DGKG: variants seen among roughly 807,000 people sequenced by gnomAD.
DGKG encodes DAG kinase gamma.
In DGKG, 78 loss-of-function variants were observed where a neutral mutation model predicts 105.3. That is an observed-to-expected ratio of 0.74 (90% CI 0.62 to 0.89). The LOEUF (loss-of-function observed/expected upper bound fraction) is 0.89. DGKG is among the 40% of genes least tolerant of loss of function. The pLI is 0.00. For synonymous variants in DGKG, 346 were observed against 367.1 expected (o/e 0.94, Z 0.66); for missense variants, 958 against 1,020.1 (o/e 0.94, Z 0.83).
intron 2 of DGKG, among the ~76,000 whole-genome samples, chr3:186,314,432 G>C (rs966560258): frequency 6.6e-6 from 1 of 152,118 alleles, no homozygotes; most frequent in Non-Finnish European, 1.5e-5. Context: ...TGTAATGCTT[G>C]GCATTGATAT....
At chr3:186,153,346 A>T (rs1265802576) in intron 24 of DGKG, among the ~76,000 whole-genome samples, 1 of 152,134 alleles carries the variant, frequency 6.6e-6, no homozygotes, top group African/African-American at 2.4e-5. Context: ...TCAAACCCTG[A>T]TAGAAAGAGG....
intron 2 of DGKG, among the ~76,000 whole-genome samples, chr3:186,319,457 C>A (rs1017217205): frequency 3.9e-5 from 6 of 152,156 alleles, no homozygotes; most frequent in Non-Finnish European, 7.4e-5. Flanking sequence ...AGAAGGGGGA[C>A]CTGTGCAAGA....
chr3:186,243,895 G>GTTTTTTTTTTTGTTTTTTTTTTTTTTTT, intron 19 of DGKG, among the ~76,000 whole-genome samples: 1 of 116,324 alleles, frequency 8.6e-6, no homozygotes, highest in African/African-American at 3.6e-5. Context: ...AAATTTCTGT[G>GTTTTTTTTTTTGTTTTTTTTTTTTTTTT]TTTTTTTTTT....
chr3:186,244,940 TG>T (rs1379237757), intron 19 of DGKG, among the ~76,000 whole-genome samples: 1 of 152,180 alleles, frequency 6.6e-6, no homozygotes, highest in Non-Finnish European at 1.5e-5. Context: ...ATTTGTCAAA[TG>T]CTTCTCTAAA....
chr3:186,186,429 G>A (rs889336207), intron 22 of DGKG, among the ~76,000 whole-genome samples: 2 of 152,192 alleles, frequency 1.3e-5, no homozygotes, highest in African/African-American at 2.4e-5. Flanking sequence ...GCCCATCAGA[G>A]TCATCTGGGG....
At chr3:186,331,005 A>G (rs951532458) in intron 1 of DGKG, among the ~76,000 whole-genome samples, 1 of 152,256 alleles carries the variant, frequency 6.6e-6, no homozygotes, top group Non-Finnish European at 1.5e-5. Context: ...TGCATGATTC[A>G]TGCTTGAACT....
At chr3:186,264,665 G>A (rs1043514831) in intron 14 of DGKG, among the ~76,000 whole-genome samples, 1 of 152,184 alleles carries the variant, frequency 6.6e-6, no homozygotes, top group African/African-American at 2.4e-5. Context: ...TTTGAGCGGA[G>A]GAAACTTAAG....
chr3:186,236,195 T>C (rs1180463029), intron 20 of DGKG, among the ~76,000 whole-genome samples: 2 of 152,230 alleles, frequency 1.3e-5, no homozygotes, highest in Non-Finnish European at 2.9e-5. Context: ...GCAGATTCAA[T>C]GCATCACTGC....
At chr3:186,167,767 AC>A (rs1716616695) in intron 22 of DGKG, among the ~76,000 whole-genome samples, 1 of 103,444 alleles carries the variant, frequency 9.7e-6, no homozygotes, top group Non-Finnish European at 2.1e-5. Context: ...GAATTCACTC[AC>A]TCACTCACTC....
intron 1 of DGKG, among the ~76,000 whole-genome samples, chr3:186,353,626 A>ATATCTATATCTATACCTATG (rs1560169523): frequency 8.4e-4 from 109 of 129,906 alleles, no homozygotes; most frequent in African/African-American, 3.5e-3. Context: ...TAGACTCTCT[A>ATATCTATATCTATACCTATG]TCTATATCTA....
At chr3:186,340,742 C>A (rs927310810) in intron 1 of DGKG, among the ~76,000 whole-genome samples, 1 of 152,202 alleles carries the variant, frequency 6.6e-6, no homozygotes, top group Non-Finnish European at 1.5e-5. Context: ...AGTCATTCTC[C>A]ACATTTCCTG....
At chr3:186,249,125 A>G (rs1721085974) in intron 19 of DGKG, among the ~76,000 whole-genome samples, 1 of 152,048 alleles carries the variant, frequency 6.6e-6, no homozygotes, top group African/African-American at 2.4e-5. Flanking sequence ...GGGGCCTTTG[A>G]GCACGAAGAG....
At chr3:186,208,935 G>C in intron 21 of DGKG, among the ~76,000 whole-genome samples, 1 of 152,108 alleles carries the variant, frequency 6.6e-6, no homozygotes, top group Non-Finnish European at 1.5e-5. Flanking sequence ...ATGAAGTTTT[G>C]GTTGAGACAC....
chr3:186,225,850 C>A (rs1340846369), intron 20 of DGKG, among the ~76,000 whole-genome samples: 2 of 152,222 alleles, frequency 1.3e-5, no homozygotes, highest in African/African-American at 4.8e-5. Context: ...TTCCTCAGAT[C>A]CTTCCTGTCT....
intron 5 of DGKG, among the ~76,000 whole-genome samples, chr3:186,291,816 TGTG>T (rs1398541183): frequency 6.6e-6 from 1 of 152,196 alleles, no homozygotes; most frequent in African/African-American, 2.4e-5. Flanking sequence ...TCATATTAAT[TGTG>T]GTACTAGTTT....
chr3:186,344,581 A>G (rs11928307), intron 1 of DGKG, among the ~76,000 whole-genome samples: 46,681 of 151,874 alleles, frequency 0.31, 8,487 homozygotes, highest in African/African-American at 0.51. Flanking sequence ...ACAGACACGG[A>G]TTCTACTTGA....
chr3:186,251,718 G>A (rs374194615), intron 19 of DGKG, 41 bp downstream of exon 19: 147 of 1,611,510 alleles, frequency 9.1e-5, no homozygotes, highest in South Asian at 2.1e-4. Flanking sequence ...CTTCCTGGGC[G>A]TTTCCCTTCC....
intron 3 of DGKG, 75 bp from the exon 4 acceptor site, chr3:186,298,304 A>C: frequency 7.0e-7 from 1 of 1,422,518 alleles, no homozygotes; most frequent in South Asian, 1.4e-5. Context: ...GAAAAGGAAT[A>C]GAAAAGCTGG....
intron 19 of DGKG, among the ~76,000 whole-genome samples, chr3:186,247,855 A>G (rs1721017652): frequency 6.6e-6 from 1 of 152,218 alleles, no homozygotes; most frequent in Non-Finnish European, 1.5e-5. Flanking sequence ...AGATTGGATT[A>G]TTATAAGTCA....
Sources: allele counts gnomAD v4.1 joint callset (sites outside exome capture counted in the v4.1 genomes callset), GRCh38; gene constraint gnomAD v4.1.1; transcripts MANE v1.5; gene names NCBI Gene and HGNC (gene_info 2026-07-23, HGNC 2026-07-21).